Variants in CNTN4 observed in about 807,000 individuals in gnomAD.
CNTN4 encodes contactin-4.
In CNTN4, 77 loss-of-function variants were observed where a neutral mutation model predicts 122.5. The ratio of observed to expected loss-of-function variants is 0.63; its 90% confidence interval spans 0.52 to 0.76. The LOEUF (loss-of-function observed/expected upper bound fraction) is 0.76, where lower values mean the gene tolerates loss of function less well. Ranked by LOEUF, CNTN4 falls within the 30% of genes least tolerant of loss-of-function variation. The pLI is 0.00. For synonymous variants in CNTN4, 512 were observed against 447.0 expected (o/e 1.15, Z -1.83); for missense variants, 1,256 against 1,259.1 (o/e 1.00, Z 0.04).
At chr3:3,023,394 G>C (rs1698459540) in intron 14 of CNTN4, among the ~76,000 whole-genome samples, 1 of 152,158 alleles carries the variant, frequency 6.6e-6, no homozygotes, top group South Asian at 2.1e-4. Flanking sequence ...AACTTCTCTG[G>C]TCCTTGCTTA....
intron 13 of CNTN4, among the ~76,000 whole-genome samples, chr3:2,944,875 C>A (rs565460900): frequency 2.0e-5 from 3 of 152,266 alleles, no homozygotes; most frequent in African/African-American, 7.2e-5. Context: ...AACTGTCCTA[C>A]AGGTTGGTTG....
chr3:2,667,114 G>T (rs1042027629), intron 4 of CNTN4, among the ~76,000 whole-genome samples: 3 of 152,094 alleles, frequency 2.0e-5, no homozygotes, highest in East Asian at 3.9e-4. Context: ...CTAGTAATGG[G>T]ATGGCTGGGT....
intron 6 of CNTN4, among the ~76,000 whole-genome samples, chr3:2,798,393 A>G (rs9864834): frequency 2.2e-5 from 2 of 89,382 alleles, no homozygotes; most frequent in Non-Finnish European, 4.6e-5. Flanking sequence ...ATCTATCTAT[A>G]TATCTATCTA....
chr3:2,706,260 T>A (rs989152834), intron 4 of CNTN4, among the ~76,000 whole-genome samples: 3 of 151,992 alleles, frequency 2.0e-5, no homozygotes, highest in African/African-American at 7.2e-5. Flanking sequence ...ATTCTGTGGT[T>A]TATGCCCAAC....
rs1244497234 is a variant in CNTN4 at position 2,339,200 on chromosome 3, C to A, written c.-122C>A. On this transcript the variant is annotated 5_prime_UTR_variant, in exon 3 of 25. Coordinates refer to ENST00000418658, the MANE Select transcript of CNTN4 (RefSeq NM_175607.3). ...TAGGAATCATTGACATAGAGTAACT[C>A]CACAGCATGTGTCTTCAAGAGCTTC... is the stretch of plus-strand genomic sequence containing the variant. The A allele has an allele frequency of 6.6e-6, 1 of 152,008 alleles. No homozygotes were observed. Among genetic ancestry groups the A allele is most frequent in the Non-Finnish European group, 1.5e-5 (1 of 67,984 alleles). The allele number at this position is 152,008 out of a possible 1,614,324, so 9.4% of individuals were successfully genotyped here.
chr3:2,568,725 C>T (rs1272145068), intron 3 of CNTN4, among the ~76,000 whole-genome samples: 1 of 152,166 alleles, frequency 6.6e-6, no homozygotes, highest in African/African-American at 2.4e-5. Context: ...CTGTCCACGA[C>T]CCCATTATTT....
chr3:2,117,530 T>TG (rs546085611), intron 2 of CNTN4, among the ~76,000 whole-genome samples: 1 of 152,162 alleles, frequency 6.6e-6, no homozygotes, highest in Admixed American at 6.5e-5. Context: ...TCCAGGAGGT[T>TG]GGGGGAGGGG....
intron 2 of CNTN4, among the ~76,000 whole-genome samples, chr3:2,172,309 C>G (rs1157423964): frequency 2.0e-5 from 3 of 152,132 alleles, no homozygotes; most frequent in East Asian, 1.9e-4. Flanking sequence ...AAATGGAAAA[C>G]CAAACATTGT....
chr3:2,582,046 T>A (rs1306517770), intron 4 of CNTN4, among the ~76,000 whole-genome samples: 2 of 152,218 alleles, frequency 1.3e-5, no homozygotes, highest in Non-Finnish European at 2.9e-5. Flanking sequence ...TTTAGGCTGA[T>A]GAAAATATTC....
chr3:2,582,573 A>G (rs2079993224), intron 4 of CNTN4, among the ~76,000 whole-genome samples: 1 of 152,168 alleles, frequency 6.6e-6, no homozygotes, highest in African/African-American at 2.4e-5. Context: ...TAAAGCACAA[A>G]CCTTCCTCAG....
At chr3:2,635,047 G>A (rs962396231) in intron 4 of CNTN4, among the ~76,000 whole-genome samples, 2 of 152,028 alleles carry the variant, frequency 1.3e-5, no homozygotes, top group Non-Finnish European at 2.9e-5. Context: ...CAGATATCTC[G>A]GAACCATCTA....
chr3:2,521,617 G>A (rs1395095976), intron 3 of CNTN4, among the ~76,000 whole-genome samples: 1 of 152,072 alleles, frequency 6.6e-6, no homozygotes, highest in Non-Finnish European at 1.5e-5. Context: ...TAGCAACTAA[G>A]TGCAAAAGAG....
chr3:3,046,097 G>T (rs901653243), intron 23 of CNTN4, among the ~76,000 whole-genome samples: 1 of 152,060 alleles, frequency 6.6e-6, no homozygotes, highest in Non-Finnish European at 1.5e-5. Context: ...GAAAAGAAAC[G>T]AACAAAGCCT....
chr3:2,620,970 T>C (rs1453864287), intron 4 of CNTN4, among the ~76,000 whole-genome samples: 1 of 152,194 alleles, frequency 6.6e-6, no homozygotes, highest in Non-Finnish European at 1.5e-5. Flanking sequence ...GAAATTTGGC[T>C]CTAGAAAGTA....
At chr3:2,812,843 C>G (rs1260973531) in intron 6 of CNTN4, among the ~76,000 whole-genome samples, 1 of 152,160 alleles carries the variant, frequency 6.6e-6, no homozygotes, top group African/African-American at 2.4e-5. Flanking sequence ...AGGAGATTAA[C>G]TAACTCACCT....
chr3:2,921,365 A>G (rs1236664388), intron 12 of CNTN4, among the ~76,000 whole-genome samples: 1 of 152,228 alleles, frequency 6.6e-6, no homozygotes, highest in East Asian at 1.9e-4. Context: ...TGAATCAGCC[A>G]TTCTAAAACA....
chr3:2,986,955 T>G (rs960030925), intron 13 of CNTN4, among the ~76,000 whole-genome samples: 1 of 152,218 alleles, frequency 6.6e-6, no homozygotes, highest in Admixed American at 6.5e-5. Context: ...CCTGATTGAA[T>G]TTAGTGGGAA....
At chr3:2,861,140 A>T (rs1310860863) in intron 7 of CNTN4, among the ~76,000 whole-genome samples, 1 of 152,184 alleles carries the variant, frequency 6.6e-6, no homozygotes, top group African/African-American at 2.4e-5. Flanking sequence ...TCTTTTAATT[A>T]TCCTATTTTT....
chr3:2,950,270 A>G (rs562494331), intron 13 of CNTN4, among the ~76,000 whole-genome samples: 1 of 152,266 alleles, frequency 6.6e-6, no homozygotes, highest in East Asian at 1.9e-4. Flanking sequence ...AGGCTGAAAC[A>G]TTTTGGCTGC....
Sources: gnomAD v4.1 joint callset for allele counts (sites outside exome capture counted in the v4.1 genomes callset) on GRCh38, gnomAD v4.1.1 for gene constraint, MANE v1.5 for transcripts, NCBI Gene and HGNC (gene_info 2026-07-23, HGNC 2026-07-21) for gene names.